Variants in LRRC49 observed in about 807,000 individuals in gnomAD.
LRRC49 encodes the protein leucine-rich repeat-containing protein 49.
Under a neutral mutation model 83.3 loss-of-function variants are expected in LRRC49, and 50 were observed. The observed-to-expected ratio is 0.60, with a 90% CI of 0.48 to 0.76. LRRC49 has a LOEUF of 0.76. LRRC49 is among the 30% of genes least tolerant of loss of function. The probability of loss-of-function intolerance (pLI) is 0.00; values close to 1 mark genes in which losing one functional copy is unlikely to be tolerated. For synonymous variants in LRRC49, 286 were observed against 283.3 expected, an observed-to-expected ratio of 1.01 and a Z score of -0.10; for missense variants, 704 against 809.1, an observed-to-expected ratio of 0.87 and a Z score of 1.58.
chr15:70,864,390 G>T (rs1311800293), intron 1 of LRRC49, among the ~76,000 whole-genome samples: 1 of 151,920 alleles, frequency 6.6e-6, no homozygotes, highest in African/African-American at 2.4e-5. Context: ...GATGGATGAG[G>T]CATTGAGAGG....
chr15:70,897,204 A>C (rs1468016792), intron 3 of LRRC49, among the ~76,000 whole-genome samples: 3 of 152,214 alleles, frequency 2.0e-5, no homozygotes, highest in Non-Finnish European at 4.4e-5. Context: ...ACGGCTGGCC[A>C]GGCAAACTTA....
chr15:70,884,364 C>T (rs2141086171), intron 2 of LRRC49, among the ~76,000 whole-genome samples: 1 of 152,120 alleles, frequency 6.6e-6, no homozygotes, highest in African/African-American at 2.4e-5. Flanking sequence ...GAAACCCCAC[C>T]TCTACTAAAA....
At chr15:70,980,211 G>A in intron 10 of LRRC49, 27 bp downstream of exon 10, 2 of 1,520,650 alleles carry the variant, frequency 1.3e-6, no homozygotes. Flanking sequence ...CTACATGGAT[G>A]TGTGTGCACA....
In LRRC49 at chr15:71,037,185, G is replaced by T. The variant is rs1436723876; in HGVS notation, c.1710G>T (p.Lys570Asn). The change falls in exon 15 of 16, where the codon AAG becomes AAT. Residue 570 changes from lysine to asparagine, a missense_variant. This residue lies in a region of LRRC49 where 275 missense variants were observed against 338.0 expected (regional missense o/e 0.81). Transcript: ENST00000260382. ...LISILGDARKKQFRYLLESKG... is the reference protein window; with the variant it reads ...LISILGDARKNQFRYLLESKG... ...CTTTACTGTCTTTCTACAGGAAAAA[G>T]CAATTTCGGTATCTACTAGAATCCA... 1 of 1,603,306 alleles carries T rather than the reference G, an allele frequency of 6.2e-7. No individual in the cohort carries two copies. The highest frequency in any genetic ancestry group is 1.3e-5 in the African/African-American group (1 of 74,110).
At position 71,052,724 on chromosome 15, in the gene LRRC49, A is replaced by G. The variant is rs894794559; in HGVS notation, c.*3112A>G. The G allele has an allele frequency of 1.3e-5, 2 of 152,210 alleles. No homozygotes were observed. The highest frequency in any genetic ancestry group is 2.9e-5 in the Non-Finnish European group (2 of 68,042). 9.4% of individuals were successfully genotyped at this position (152,210 alleles called of 1,614,324 possible). The stretch of plus-strand genomic sequence containing the variant: ...GCGATATATATATGATAGCAATCCC[A>G]TTTGAACACTAGAAAACTGAGGCAT... On this transcript the variant is annotated 3_prime_UTR_variant, in exon 16 of 16. Coordinates refer to ENST00000260382, the MANE Select transcript of LRRC49 (RefSeq NM_017691.5).
intron 1 of LRRC49, among the ~76,000 whole-genome samples, chr15:70,856,069 A>G (rs3809562): frequency 0.53 from 80,674 of 151,964 alleles, 22,131 homozygotes; most frequent in Admixed American, 0.69. Context: ...GCTCACATTC[A>G]TCTCAGGTTT....
chr15:71,014,383 G>C (rs1273276706), intron 14 of LRRC49, among the ~76,000 whole-genome samples: 1 of 151,780 alleles, frequency 6.6e-6, no homozygotes, highest in Admixed American at 6.6e-5. Flanking sequence ...AAAATATTAA[G>C]GGTTTTCATA....
In LRRC49 at chr15:71,004,479, G is replaced by A. The variant is rs139512939; in HGVS notation, c.1170-3900G>A. ...AGCCTGGCCAACATGGTGAAACCCC[G>A]TCTCTACTAAATATACAAAAATTAG... On this transcript the variant is annotated intron_variant, in intron 11 of 15. Transcript: ENST00000260382. 2.5e-3 allele frequency among the ~76,000 whole-genome samples: 380 copies of A among 151,962 alleles called. 3 individuals carry two copies. Among genetic ancestry groups the A allele is most frequent in the African/African-American group, 9.1e-3 (376 of 41,478 alleles).
At chr15:70,932,087 T>C (rs538181903) in intron 7 of LRRC49, among the ~76,000 whole-genome samples, 3 of 152,220 alleles carry the variant, frequency 2.0e-5, no homozygotes, top group Non-Finnish European at 2.9e-5. Context: ...CTTTCAGTTT[T>C]TGCTCTGGGG....
At chr15:70,870,211 T>C (rs1163261235) in intron 1 of LRRC49, among the ~76,000 whole-genome samples, 1 of 152,240 alleles carries the variant, frequency 6.6e-6, no homozygotes, top group Non-Finnish European at 1.5e-5. Context: ...GTTTTCTCCA[T>C]TGATTTATAA....
At chr15:71,010,816 A>G (rs1290961172) in intron 13 of LRRC49, among the ~76,000 whole-genome samples, 7 of 152,090 alleles carry the variant, frequency 4.6e-5, no homozygotes, top group Admixed American at 4.6e-4. Flanking sequence ...GAGGAAAAAA[A>G]AAACATCTTT....
chr15:70,909,641 C>T (rs1173133500), intron 5 of LRRC49, among the ~76,000 whole-genome samples: 1 of 152,088 alleles, frequency 6.6e-6, no homozygotes, highest in Non-Finnish European at 1.5e-5. Context: ...GAGATCAAGA[C>T]CATCCTGCCC....
intron 2 of LRRC49, among the ~76,000 whole-genome samples, chr15:70,884,988 C>G (rs1216114323): frequency 6.6e-6 from 1 of 152,036 alleles, no homozygotes; most frequent in African/African-American, 2.4e-5. Flanking sequence ...TATATATAAT[C>G]TGTTATTAAA....
At chr15:70,877,790 T>C (rs2033182169) in intron 2 of LRRC49, among the ~76,000 whole-genome samples, 2 of 152,232 alleles carry the variant, frequency 1.3e-5, no homozygotes, top group Non-Finnish European at 2.9e-5. Flanking sequence ...CTACCAGCAA[T>C]GTAGGAGAGT....
At chr15:70,957,130 C>CAATTA (rs1401135564) in intron 8 of LRRC49, among the ~76,000 whole-genome samples, 2 of 152,180 alleles carry the variant, frequency 1.3e-5, no homozygotes, top group Non-Finnish European at 2.9e-5. Context: ...ACCACCCATT[C>CAATTA]TTAGACCAAT....
chr15:70,934,209 C>T (rs942377691), intron 7 of LRRC49, among the ~76,000 whole-genome samples: 3 of 152,134 alleles, frequency 2.0e-5, no homozygotes, highest in African/African-American at 4.8e-5. Flanking sequence ...ACAGGTCTTT[C>T]TTCTGTAAAT....
chr15:70,962,280 A>G lies in LRRC49; in HGVS notation c.774-1505A>G, dbSNP rs145413676. Among the ~76,000 whole-genome samples, 427 of 152,322 alleles carry G rather than the reference A, an allele frequency of 2.8e-3. 5 individuals carry two copies. Among genetic ancestry groups the G allele is most frequent in the African/African-American group, 1.0e-2 (415 of 41,578 alleles). On this transcript the variant is annotated intron_variant, in intron 8 of 15. Transcript: ENST00000260382. ...GTGATGGATTAGAGTTGGAGACATC[A>G]GTATAAACTCATCTTTAGCTTAATA...
At chr15:70,961,268 A>G (rs2036593144) in intron 8 of LRRC49, among the ~76,000 whole-genome samples, 1 of 152,114 alleles carries the variant, frequency 6.6e-6, no homozygotes, top group African/African-American at 2.4e-5. Context: ...ACAGATACCA[A>G]ATGCTGGTGA....
rs558001683 is a variant in LRRC49, at chr15:70,858,473, G to A, written c.-299+5004G>A. ...AAAAAAATTAGCCAGGCTTGGTGGC[G>A]GGTGCCTGTAGTCCCAGCTACTCAG... On this transcript the variant is annotated intron_variant, in intron 1 of 16. Transcript: ENST00000544974. Among the ~76,000 whole-genome samples, 35 of 152,274 alleles carry A rather than the reference G, an allele frequency of 2.3e-4. No individual in the cohort carries two copies. In the East Asian group the frequency reaches 6.8e-3, roughly 29 times the overall value.
Sources: gnomAD v4.1 joint callset for allele counts (sites outside exome capture counted in the v4.1 genomes callset) on GRCh38, gnomAD v4.1.1 for gene constraint, gnomAD v4.1.1 regional missense constraint, MANE v1.5 for transcripts, NCBI Gene and HGNC (gene_info 2026-07-23, HGNC 2026-07-21) for gene names.